The following ARHGAP28 variants were observed in gnomAD, a reference collection of about 807,000 sequenced individuals.
ARHGAP28 encodes the protein rho GTPase-activating protein 28.
In ARHGAP28, 56 loss-of-function variants were observed where a neutral mutation model predicts 90.7. The observed-to-expected ratio is 0.62, with a 90% CI of 0.50 to 0.77. ARHGAP28 has a LOEUF of 0.77. ARHGAP28 is among the 30% of genes least tolerant of loss of function. The probability of loss-of-function intolerance (pLI) is 0.00; values close to 1 mark genes in which losing one functional copy is unlikely to be tolerated. For synonymous variants in ARHGAP28, 308 were observed against 323.3 expected (o/e 0.95, Z 0.51); for missense variants, 869 against 900.9 (o/e 0.96, Z 0.45).
At chr18:6,744,875 AAG>A (rs1435140149) in intron 1 of ARHGAP28, among the ~76,000 whole-genome samples, 2 of 152,084 alleles carry the variant, frequency 1.3e-5, no homozygotes, top group Non-Finnish European at 2.9e-5. Flanking sequence ...TTCAAAGTTA[AAG>A]AGAGTATTCA....
chr18:6,734,529 A>G (rs892581259), intron 1 of ARHGAP28, among the ~76,000 whole-genome samples: 1 of 152,178 alleles, frequency 6.6e-6, no homozygotes, highest in African/African-American at 2.4e-5. Context: ...TGAGGGGGCT[A>G]TTGTTTCTTA....
chr18:6,772,288 G>T (rs1485113615), intron 1 of ARHGAP28, among the ~76,000 whole-genome samples: 1 of 152,192 alleles, frequency 6.6e-6, no homozygotes, highest in Admixed American at 6.5e-5. Context: ...TGCTCTAACA[G>T]AATGTAAGGT....
chr18:6,837,161 A>G, intron 2 of ARHGAP28, 36 bp from the exon 3 acceptor site: 1 of 1,476,724 alleles, frequency 6.8e-7, no homozygotes, highest in Non-Finnish European at 9.2e-7. Flanking sequence ...CATACAGAAA[A>G]TATTCTAACC....
intron 16 of ARHGAP28, among the ~76,000 whole-genome samples, chr18:6,904,567 G>A (rs567860562): frequency 1.1e-3 from 170 of 152,092 alleles, no homozygotes; most frequent in Non-Finnish European, 2.1e-3. Context: ...AAATATACCC[G>A]AAGGAACAAA....
intron 1 of ARHGAP28, among the ~76,000 whole-genome samples, chr18:6,764,180 A>T (rs2056182913): frequency 6.6e-6 from 1 of 152,170 alleles, no homozygotes; most frequent in South Asian, 2.1e-4. Flanking sequence ...TATTAGAAAA[A>T]AGAACATGAA....
chr18:6,801,639 T>C (rs1413152172), intron 1 of ARHGAP28, among the ~76,000 whole-genome samples: 1 of 152,170 alleles, frequency 6.6e-6, no homozygotes, highest in East Asian at 1.9e-4. Context: ...TAAAATTTGC[T>C]ATATAATATA....
chr18:6,827,519 G>C (rs1192622836), intron 2 of ARHGAP28, among the ~76,000 whole-genome samples: 4 of 145,650 alleles, frequency 2.7e-5, no homozygotes, highest in Non-Finnish European at 6.1e-5. Flanking sequence ...CCTCCCGGAC[G>C]GGGCGGCTGA....
intron 5 of ARHGAP28, among the ~76,000 whole-genome samples, chr18:6,863,023 TA>T (rs1468375315): frequency 6.6e-6 from 1 of 152,106 alleles, no homozygotes; most frequent in Non-Finnish European, 1.5e-5. Context: ...TTTCTGCTGC[TA>T]AAAATTTTTC....
chr18:6,766,425 C>A (rs1334547250), intron 1 of ARHGAP28, among the ~76,000 whole-genome samples: 2 of 152,148 alleles, frequency 1.3e-5, no homozygotes, highest in Non-Finnish European at 2.9e-5. Flanking sequence ...GACCTCCTTT[C>A]CAAAGAGTGG....
At chr18:6,863,768 G>A (rs1437993325) in intron 5 of ARHGAP28, among the ~76,000 whole-genome samples, 1 of 149,526 alleles carries the variant, frequency 6.7e-6, no homozygotes, top group Admixed American at 6.7e-5. Context: ...TATCATTGTA[G>A]GCATAAAGCT....
chr18:6,909,681 G>T (rs988815798), intron 17 of ARHGAP28, among the ~76,000 whole-genome samples: 1 of 152,146 alleles, frequency 6.6e-6, no homozygotes, highest in Non-Finnish European at 1.5e-5. Flanking sequence ...ACTTTCAGAA[G>T]CATGACACCA....
chr18:6,770,849 G>T (rs1366479920), intron 1 of ARHGAP28, among the ~76,000 whole-genome samples: 1 of 152,068 alleles, frequency 6.6e-6, no homozygotes, highest in Non-Finnish European at 1.5e-5. Context: ...AACATAAAGA[G>T]AATGAAGACT....
intron 4 of ARHGAP28, among the ~76,000 whole-genome samples, chr18:6,857,684 T>A (rs1340455477): frequency 6.6e-6 from 1 of 152,178 alleles, no homozygotes; most frequent in East Asian, 1.9e-4. Context: ...GATGATAGGA[T>A]TCACCCTACG....
chr18:6,849,604 AT>A (rs1197346353), intron 3 of ARHGAP28, among the ~76,000 whole-genome samples: 1 of 152,200 alleles, frequency 6.6e-6, no homozygotes, highest in Non-Finnish European at 1.5e-5. Context: ...TAAATCCTAA[AT>A]TGGTGAGTAT....
At chr18:6,743,327 A>G (rs2055995592) in intron 1 of ARHGAP28, among the ~76,000 whole-genome samples, 1 of 152,232 alleles carries the variant, frequency 6.6e-6, no homozygotes, top group South Asian at 2.1e-4. Context: ...AAGCATTTCT[A>G]GAACAAGAAT....
At chr18:6,843,450 T>G (rs904200117) in intron 3 of ARHGAP28, among the ~76,000 whole-genome samples, 14 of 152,266 alleles carry the variant, frequency 9.2e-5, no homozygotes, top group African/African-American at 3.4e-4. Context: ...CTTTACTTTC[T>G]ACGCATTTTT....
intron 16 of ARHGAP28, chr18:6,898,043 C>T (rs1952832721): frequency 6.5e-6 from 1 of 153,702 alleles, no homozygotes; most frequent in Admixed American, 6.5e-5. Context: ...CAAAGAATCT[C>T]TCTGTATTAT....
chr18:6,837,975 T>C (rs2056767407), intron 3 of ARHGAP28, among the ~76,000 whole-genome samples: 1 of 152,250 alleles, frequency 6.6e-6, no homozygotes, highest in African/African-American at 2.4e-5. Flanking sequence ...AGCTTACCCT[T>C]AGCAATTTCA....
intron 1 of ARHGAP28, chr18:6,790,777 C>A (rs1313266531): frequency 6.6e-6 from 1 of 152,086 alleles, no homozygotes. Context: ...GGGTTGGGTA[C>A]AAGAGAAGCC....
Sources: gnomAD v4.1 joint callset for allele counts (sites outside exome capture counted in the v4.1 genomes callset) on GRCh38, gnomAD v4.1.1 for gene constraint, MANE v1.5 for transcripts, NCBI Gene and HGNC (gene_info 2026-07-23, HGNC 2026-07-21) for gene names.